GFPT2: variants seen among roughly 807,000 people sequenced by gnomAD.
GFPT2 encodes the protein glutamine--fructose-6-phosphate transaminase 2.
A neutral mutation model predicts 85.6 loss-of-function variants in GFPT2; 62 were observed. The observed-to-expected ratio is 0.72, with a 90% CI of 0.59 to 0.90. The LOEUF (loss-of-function observed/expected upper bound fraction) is 0.90. GFPT2 is among the 40% of genes least tolerant of loss of function. GFPT2 has a pLI of 0.00. For synonymous variants in GFPT2, 368 were observed against 344.5 expected, an observed-to-expected ratio of 1.07 and a Z score of -0.75; for missense variants, 788 against 893.4, an observed-to-expected ratio of 0.88 and a Z score of 1.50.
At chr5:180,315,181 C>CTTTTCTTT (rs1554133428) in intron 13 of GFPT2, among the ~76,000 whole-genome samples, 1 of 144,122 alleles carries the variant, frequency 6.9e-6, no homozygotes. Context: ...TTTTCTTTTT[C>CTTTTCTTT]TTTTTTTTTT....
rs1764051048 is a variant in GFPT2 at position 180,318,199 on chromosome 5, A to T, written c.958+594T>A. Among the ~76,000 whole-genome samples the T allele has an allele frequency of 6.6e-6, 1 of 151,972 alleles. No individual in the cohort carries two copies. The highest frequency in any genetic ancestry group is 2.1e-4 in the South Asian group (1 of 4,804). ...CGGGGCACAGTGGGACAGAGGGTTG[A>T]GTGTGGTGGGGCCAGGCTTTGGCCC... On this transcript the variant is annotated intron_variant, in intron 10 of 18. Transcript: ENST00000253778. This position sits in a 1 kb window ranked among gnomAD's most constrained non-coding sequence, Gnocchi z 4.2.
chr5:180,322,164 C>A (rs1764134145), intron 9 of GFPT2, among the ~76,000 whole-genome samples: 1 of 152,046 alleles, frequency 6.6e-6, no homozygotes, highest in Non-Finnish European at 1.5e-5. Context: ...AACTTGTAAT[C>A]ATTAAATTAG....
chr5:180,352,642 G>A (rs966891702), intron 1 of GFPT2: 1 of 443,908 alleles, frequency 2.3e-6, no homozygotes, highest in Non-Finnish European at 4.5e-6. Flanking sequence ...ACCCTTCTAG[G>A]GACCAGACGT....
intron 8 of GFPT2, 100 bp downstream of exon 8, chr5:180,324,716 G>A (rs1764179865): frequency 2.5e-6 from 2 of 806,002 alleles, no homozygotes; most frequent in Non-Finnish European, 4.4e-6. Flanking sequence ...GCTCAGAGTG[G>A]GGTTTCCTTG....
chr5:180,345,172 A>G (rs904349336), intron 1 of GFPT2, among the ~76,000 whole-genome samples: 2 of 152,280 alleles, frequency 1.3e-5, no homozygotes, highest in African/African-American at 4.8e-5. Context: ...GAGATTTATC[A>G]TTCAATAAAA....
chr5:180,344,952 C>T (rs1226432416), intron 1 of GFPT2, among the ~76,000 whole-genome samples: 1 of 152,224 alleles, frequency 6.6e-6, no homozygotes, highest in African/African-American at 2.4e-5. Flanking sequence ...CTCCCTGCTG[C>T]TGCCATTCAC....
intron 8 of GFPT2, 53 bp downstream of exon 8, chr5:180,324,763 G>T: frequency 8.4e-7 from 1 of 1,183,758 alleles, no homozygotes. Flanking sequence ...AGCAGCTGCC[G>T]AGTCCTGCGA....
rs777263657 is a variant in GFPT2, at chr5:180,312,507, C to G, written c.1469G>C (p.Gly490Ala). The change falls in exon 15 of 19, where the codon GGT becomes GCT. Residue 490 changes from glycine (G) to alanine (A), a missense_variant. Gly to Ala is a moderately conservative substitution (Grantham distance 60). Coordinates refer to ENST00000253778, the MANE Select transcript of GFPT2 (RefSeq NM_005110.4). ...TSQFISLVMF[G>A]LMMSEDRISL... ...AATTCGGTCTTCAGACATCATCAAACCAAACATCACCAGAGAGATGAACTG... is the reference window on the plus strand; with the variant it reads ...AATTCGGTCTTCAGACATCATCAAAGCAAACATCACCAGAGAGATGAACTG... The G allele has an allele frequency of 2.4e-5, 38 of 1,607,892 alleles. No homozygotes were observed. Among genetic ancestry groups the G allele is most frequent in the Non-Finnish European group, 3.2e-5 (38 of 1,174,396 alleles).
chr5:180,330,737 GT>G lies in GFPT2; in HGVS notation c.496del (p.Thr166ArgfsTer66). ...GACTCTCTCGACCAACGTTGAAAAC[GT>G]AATGTCCTCAGTTTCTCTGTTGTCG... ...VFDNRETEDI[T>X]FSTLVERVIQ... On this transcript the variant is annotated frameshift_variant, in exon 6 of 19. Coordinates refer to ENST00000253778, the MANE Select transcript of GFPT2 (RefSeq NM_005110.4). LOFTEE classifies it high-confidence loss of function. This position sits in a 1 kb window ranked among gnomAD's most constrained non-coding sequence, Gnocchi z 4.4. The G allele has an allele frequency of 6.2e-7, 1 of 1,612,830 alleles. No homozygotes were observed. The highest frequency in any genetic ancestry group is 8.5e-7 in the Non-Finnish European group (1 of 1,178,792).
In GFPT2 at chr5:180,313,828, C is replaced by T; in HGVS notation, c.1410G>A (p.Glu470=). ...DCGVHINAGP[E]IGVASTKAYT... Reference sequence around the variant, plus strand: ...CTACCTTGGTGCTGGCCACGCCGATCTCCGGCCCTGCGTTGATGTGGACGC... The same window carrying T: ...CTACCTTGGTGCTGGCCACGCCGATTTCCGGCCCTGCGTTGATGTGGACGC... The change falls in exon 14 of 19, where the codon GAG becomes GAA. Residue 470 remains glutamate (E), a synonymous_variant. Transcript: ENST00000253778. The T allele has an allele frequency of 6.3e-7, 1 of 1,576,358 alleles. No individual in the cohort carries two copies.
rs567181521 is a variant in GFPT2, at chr5:180,317,596, A to C, written c.959-538T>G. 1.9e-4 allele frequency among the ~76,000 whole-genome samples: 28 copies of C among 147,716 alleles called. 1 individual carries two copies. Among genetic ancestry groups the C allele is most frequent in the African/African-American group, 7.2e-4 (27 of 37,754 alleles). ...AAAACAGTGAAACCCCGTCTCTACT[A>C]AAAATACAAAAAATTAGCCGGGCGT... is the stretch of plus-strand genomic sequence containing the variant. On this transcript the variant is annotated intron_variant, in intron 10 of 18. Coordinates refer to ENST00000253778, the MANE Select transcript of GFPT2 (RefSeq NM_005110.4).
intron 15 of GFPT2, among the ~76,000 whole-genome samples, chr5:180,307,928 T>A (rs183486852): frequency 7.2e-5 from 11 of 152,170 alleles, no homozygotes; most frequent in South Asian, 6.2e-4. Flanking sequence ...CTGGCTAACA[T>A]GGTAAAACCC....
intron 1 of GFPT2, among the ~76,000 whole-genome samples, chr5:180,352,183 G>C (rs1343787394): frequency 6.6e-6 from 1 of 151,988 alleles, no homozygotes; most frequent in Non-Finnish European, 1.5e-5. Context: ...TGGCCTCCGA[G>C]ACAAGAGGCC....
intron 13 of GFPT2, 52 bp downstream of exon 13, chr5:180,316,289 G>GCC: frequency 6.3e-7 from 1 of 1,595,604 alleles, no homozygotes; most frequent in Non-Finnish European, 8.6e-7. Flanking sequence ...GAAGAGGAGA[G>GCC]AGCCCAGAGC....
intron 1 of GFPT2, among the ~76,000 whole-genome samples, chr5:180,342,561 C>T (rs1366759528): frequency 5.3e-5 from 8 of 151,752 alleles, no homozygotes. Context: ...CAGGCATAAG[C>T]CACAGTGCCC....
chr5:180,329,691 A>G (rs1764271221), intron 6 of GFPT2, among the ~76,000 whole-genome samples: 1 of 152,238 alleles, frequency 6.6e-6, no homozygotes, highest in South Asian at 2.1e-4. Context: ...TGTATTTTAC[A>G]CTACAGGATG....
At chr5:180,319,149 T>C (rs1424971293) in intron 9 of GFPT2, among the ~76,000 whole-genome samples, 193 bp from the exon 10 acceptor site, 1 of 152,226 alleles carries the variant, frequency 6.6e-6, no homozygotes, top group Non-Finnish European at 1.5e-5. Context: ...CCCCACGGAA[T>C]TATTTTGAAG....
Position 180,328,511 on chromosome 5 carries a change from A to G in GFPT2, c.535-173T>C, listed in dbSNP as rs1764251573. 6.6e-6 allele frequency among the ~76,000 whole-genome samples: 1 copy of G among 152,162 alleles called. No homozygotes were observed. The highest frequency in any genetic ancestry group is 1.5e-5 in the Non-Finnish European group (1 of 68,030). On this transcript the variant is annotated intron_variant, in intron 6 of 18. Coordinates refer to ENST00000253778, the MANE Select transcript of GFPT2 (RefSeq NM_005110.4). This position sits in a 1 kb window ranked among gnomAD's most constrained non-coding sequence, Gnocchi z 5.4. ...GGGTGACATCACGAGGGAAAGCAAA[A>G]CAGACGGTGCCACGGGAAGTACCAC...
chr5:180,316,998 G>C lies in GFPT2; in HGVS notation c.1019C>G (p.Thr340Ser). ...TTCAAAATTCACCCGACCTCTCATA[G>C]TATTGAAAACTGATTCTGGCTGTTC... ...IFEQPESVFN[T>S]MRGRVNFETN... Residue 340 changes from threonine to serine, a missense_variant, in exon 11 of 19, where the codon ACT becomes AGT. By Grantham distance (58) the Thr-to-Ser change is moderately conservative. Coordinates refer to ENST00000253778, the MANE Select transcript of GFPT2 (RefSeq NM_005110.4). The C allele has an allele frequency of 6.2e-7, 1 of 1,611,408 alleles. No homozygotes were observed. The highest frequency in any genetic ancestry group is 8.5e-7 in the Non-Finnish European group (1 of 1,177,526).
Sources: gnomAD v4.1 joint callset for allele counts (sites outside exome capture counted in the v4.1 genomes callset) on GRCh38, gnomAD v4.1.1 for gene constraint, Gnocchi (gnomAD v3.1) non-coding constraint, MANE v1.5 for transcripts, NCBI Gene and HGNC (gene_info 2026-07-23, HGNC 2026-07-21) for gene names.